The following SAP130 variants were observed in gnomAD, a reference collection of about 807,000 sequenced individuals.
SAP130 encodes histone deacetylase complex subunit SAP130.
Under a neutral mutation model 103.2 loss-of-function variants are expected in SAP130, and 16 were observed. The observed-to-expected ratio is 0.16, with a 90% CI of 0.10 to 0.24. The LOEUF is 0.24. Ranked by LOEUF, SAP130 falls within the 10% of genes least tolerant of loss-of-function variation. SAP130 has a pLI of 1.00. For synonymous variants in SAP130, 477 were observed against 497.0 expected, an observed-to-expected ratio of 0.96 and a Z score of 0.53; for missense variants, 990 against 1,359.7, an observed-to-expected ratio of 0.73 and a Z score of 4.28.
In SAP130 at chr2:127,946,219, G is replaced by A. The variant is rs553010869; in HGVS notation, c.2798-660C>T. On this transcript the variant is annotated intron_variant, in intron 18 of 20. Coordinates refer to ENST00000643581, the MANE Select transcript of SAP130 (RefSeq NM_001330301.2). ...GAAGTGAGTCCATTTGCAAGAGTGT[G>A]AAGAAGTTCAAACCTAAAGGTGCTC... 2.0e-5 allele frequency among the ~76,000 whole-genome samples: 3 copies of A among 152,280 alleles called. No homozygotes were observed. In the East Asian group the frequency reaches 5.8e-4, roughly 29 times the overall value.
chr2:128,027,006 G>A (rs1290785820), intron 1 of SAP130: 5 of 1,242,440 alleles, frequency 4.0e-6, no homozygotes, highest in Non-Finnish European at 4.2e-6. Flanking sequence ...CAGACACCTC[G>A]GAGTGTGAGA....
At chr2:128,010,007 T>C (rs1200963392) in intron 7 of SAP130, among the ~76,000 whole-genome samples, 1 of 152,190 alleles carries the variant, frequency 6.6e-6, no homozygotes, top group Non-Finnish European at 1.5e-5. Context: ...CAATCCCTTT[T>C]ACCCTTATTT....
At position 127,950,005 on chromosome 2, in the gene SAP130, G is replaced by C; in HGVS notation, c.2672-11C>G. ...TCACACCTTCCTCATCTGTTAAAGA[G>C]AAGACATTAAACAACTTAGTAACAC... On this transcript the variant is annotated splice_polypyrimidine_tract_variant and intron_variant, in intron 17 of 20. Transcript: ENST00000643581. 2 of 1,613,364 alleles carry C rather than the reference G, an allele frequency of 1.2e-6. No homozygotes were observed. Among genetic ancestry groups the C allele is most frequent in the African/African-American group, 1.3e-5 (1 of 75,022 alleles).
In SAP130 at chr2:128,010,372, A is replaced by T. The variant is rs767793876; in HGVS notation, c.766T>A (p.Ser256Thr). Residue 256 changes from serine (S) to threonine (T), a missense_variant, in exon 7 of 21, where the codon TCC becomes ACC. Transcript: ENST00000643581. ...ACCACAGCAGGAGGGATGGCATTGGAGGTGGTCACAGGTGGCCGAGACTAC... is the reference window on the plus strand; with the variant it reads ...ACCACAGCAGGAGGGATGGCATTGGTGGTGGTCACAGGTGGCCGAGACTAC... The part of the protein sequence containing the change: ...PIQSRPPVTT[S>T]NAIPPAVVAT... 6.2e-7 allele frequency: 1 copy of T among 1,612,554 alleles called. No homozygotes were observed. The highest frequency in any genetic ancestry group is 2.2e-5 in the East Asian group (1 of 44,884).
chr2:127,960,518 A>G (rs1358745439), intron 15 of SAP130, among the ~76,000 whole-genome samples: 1 of 152,244 alleles, frequency 6.6e-6, no homozygotes, highest in Non-Finnish European at 1.5e-5. Flanking sequence ...CTACACAAAC[A>G]TTATAAGCCT....
At chr2:128,024,945 T>A (rs1573869414) in intron 2 of SAP130, among the ~76,000 whole-genome samples, 1 of 139,996 alleles carries the variant, frequency 7.1e-6, no homozygotes, top group African/African-American at 2.8e-5. Flanking sequence ...GAGGCTGCAG[T>A]GAGCTGTGAT....
Position 127,978,023 on chromosome 2 carries a change from G to C in SAP130, c.2025C>G (p.Ser675Arg), listed in dbSNP as rs1410168330. 2.6e-6 allele frequency: 4 copies of C among 1,551,910 alleles called. No homozygotes were observed. The African/African-American group carries it at 4.1e-5, about 16-fold the overall frequency. Residue 675 changes from serine (S) to arginine (R), a missense_variant, in exon 15 of 21, where the codon AGC becomes AGG. Transcript: ENST00000643581. ...PPDVASPRVE[S>R]SMRSTSGSPR... ...GTGACCCAGACGTACTCCGCATAGA[G>C]CTTTCCACTCGAGGACTAGCAACAT...
intron 16 of SAP130, among the ~76,000 whole-genome samples, chr2:127,954,647 GCCT>G (rs1679708106): frequency 1.3e-5 from 2 of 152,106 alleles, no homozygotes; most frequent in South Asian, 4.1e-4. Flanking sequence ...GCCATATTGT[GCCT>G]CCTTTTACAT....
intron 9 of SAP130, 77 bp downstream of exon 9, chr2:127,999,979 G>A (rs1683437274): frequency 6.7e-7 from 1 of 1,490,800 alleles, no homozygotes; most frequent in South Asian, 1.1e-5. Flanking sequence ...CTGACTGAAG[G>A]TGAGAAATGA....
At chr2:127,993,855 A>G (rs1291134977) in intron 11 of SAP130, among the ~76,000 whole-genome samples, 5 of 152,206 alleles carry the variant, frequency 3.3e-5, no homozygotes, top group African/African-American at 4.8e-5. Flanking sequence ...TCCTAGGTTC[A>G]ATCAAGCCTC....
intron 7 of SAP130, among the ~76,000 whole-genome samples, chr2:128,005,226 A>G (rs1683870106): frequency 6.6e-6 from 1 of 152,208 alleles, no homozygotes; most frequent in Non-Finnish European, 1.5e-5. Flanking sequence ...TGAAGGCAAA[A>G]TTAGAAGTGG....
Position 128,025,444 on chromosome 2 carries a change from T to C in SAP130, c.112+737A>G, listed in dbSNP as rs1214971495. 2.6e-5 allele frequency among the ~76,000 whole-genome samples: 4 copies of C among 152,208 alleles called. 1 individual carries two copies. The highest frequency in any genetic ancestry group is 3.8e-4 in the East Asian group (2 of 5,200). On this transcript the variant is annotated intron_variant, in intron 2 of 20. Coordinates refer to ENST00000643581, the MANE Select transcript of SAP130 (RefSeq NM_001330301.2). ...AAGACTAAAAACCAAGTTTTATCTA[T>C]GTGTATACAATCAGCCCTCTGTATC...
chr2:128,019,624 G>A (rs956054400), intron 2 of SAP130, among the ~76,000 whole-genome samples: 3 of 151,890 alleles, frequency 2.0e-5, no homozygotes, highest in Non-Finnish European at 4.4e-5. Context: ...GGTGGTTCAC[G>A]CCTGTAATCC....
At chr2:128,010,508 A>G (rs1367560042) in intron 6 of SAP130, 115 bp from the exon 7 acceptor site, 7 of 1,040,698 alleles carry the variant, frequency 6.7e-6, no homozygotes, top group African/African-American at 6.5e-5. Context: ...TGCCCAAGTA[A>G]AAATAAATTC....
Position 127,950,295 on chromosome 2 carries a change from G to T in SAP130, c.2536C>A (p.Arg846=). The T allele has an allele frequency of 6.2e-7, 1 of 1,614,128 alleles. No homozygotes were observed. Among genetic ancestry groups the T allele is most frequent in the Non-Finnish European group, 8.5e-7 (1 of 1,180,012 alleles). Residue 846 remains arginine (R), a synonymous_variant, in exon 17 of 21, where the codon CGA becomes AGA. Transcript: ENST00000643581. ...GTTGAGATCACATGCTGTTGCTTTCGAGGCTTTTTCCTTGGGGAGGCACCA... is the reference window on the plus strand; with the variant it reads ...GTTGAGATCACATGCTGTTGCTTTCTAGGCTTTTTCCTTGGGGAGGCACCA... ...PPGASPRKKP[R]KQQHVISTEE... is the part of the protein sequence containing the mutation.
chr2:127,973,843 G>A lies in SAP130; in HGVS notation c.2063+4142C>T, dbSNP rs145491608. Among the ~76,000 whole-genome samples, 43 of 152,262 alleles carry A rather than the reference G, an allele frequency of 2.8e-4. No homozygotes were observed. The East Asian group carries it at 8.3e-3, about 29-fold the overall frequency. On this transcript the variant is annotated intron_variant, in intron 15 of 20. Coordinates refer to ENST00000643581, the MANE Select transcript of SAP130 (RefSeq NM_001330301.2). ...AATCCCAGCACTTTGTGAGGCTGAG[G>A]TGGGAATACTGCTTGAGCCCAGGAG...
intron 5 of SAP130, among the ~76,000 whole-genome samples, chr2:128,014,569 T>G (rs568826442): frequency 2.6e-4 from 39 of 152,322 alleles, no homozygotes; most frequent in African/African-American, 9.4e-4. Flanking sequence ...ATTCCTGGAC[T>G]CAAGTGAACC....
intron 2 of SAP130, among the ~76,000 whole-genome samples, chr2:128,020,790 G>C (rs537968286): frequency 6.6e-6 from 1 of 151,702 alleles, no homozygotes; most frequent in African/African-American, 2.4e-5. Context: ...CCTGAGGTCA[G>C]GAGTTCAAGA....
intron 11 of SAP130, among the ~76,000 whole-genome samples, chr2:127,995,889 C>T (rs995038476): frequency 2.6e-5 from 4 of 152,132 alleles, no homozygotes; most frequent in Admixed American, 2.0e-4. Context: ...TGAATGTAAC[C>T]ATGAAGAAAC....
Sources: gnomAD v4.1 joint callset for allele counts (sites outside exome capture counted in the v4.1 genomes callset) on GRCh38, gnomAD v4.1.1 for gene constraint, MANE v1.5 for transcripts, NCBI Gene and HGNC (gene_info 2026-07-23, HGNC 2026-07-21) for gene names.